Variants in DAAM1 observed in about 807,000 individuals in gnomAD.
DAAM1 encodes the protein disheveled-associated activator of morphogenesis 1.
Under a neutral mutation model 130.0 loss-of-function variants are expected in DAAM1, and 52 were observed. The ratio of observed to expected loss-of-function variants is 0.40; its 90% CI spans 0.32 to 0.50. DAAM1 has a LOEUF of 0.50. DAAM1 is among the 20% of genes least tolerant of loss of function. The pLI is 0.61. For missense variants in DAAM1, 1,134 were observed against 1,303.8 expected (o/e 0.87, Z 2.01); for synonymous variants, 452 against 444.5 (o/e 1.02, Z -0.21).
Position 59,241,084 on chromosome 14 carries a change from C to T in DAAM1, c.-37-22357C>T, listed in dbSNP as rs111959006. On this transcript the variant is annotated intron_variant, in intron 1 of 24. Transcript: ENST00000360909. ...TTCAGTATGTTATGGTTGTGTATTA[C>T]TTTAATCTCAGTGTGCTTCTGCTGA... 2.0e-5 allele frequency among the ~76,000 whole-genome samples: 3 copies of T among 152,304 alleles called. 1 individual carries two copies. Among genetic ancestry groups the T allele is most frequent in the African/African-American group, 7.2e-5 (3 of 41,566 alleles).
At chr14:59,290,164 G>T (rs563409641) in intron 2 of DAAM1, among the ~76,000 whole-genome samples, 1 of 152,232 alleles carries the variant, frequency 6.6e-6, no homozygotes, top group South Asian at 2.1e-4. Flanking sequence ...TGTGAATTAA[G>T]TTCTTGTTAA....
chr14:59,345,447 A>G (rs2139657827), intron 16 of DAAM1, among the ~76,000 whole-genome samples: 1 of 152,350 alleles, frequency 6.6e-6, no homozygotes, highest in Non-Finnish European at 1.5e-5. Context: ...GTTTGAGAAC[A>G]TGAAATAGAA....
At chr14:59,234,089 G>A (rs1165112970) in intron 1 of DAAM1, among the ~76,000 whole-genome samples, 1 of 152,128 alleles carries the variant, frequency 6.6e-6, no homozygotes, top group Non-Finnish European at 1.5e-5. Flanking sequence ...TGTTCTTCTT[G>A]CTTAGGATTG....
chr14:59,262,336 G>A (rs577322827), intron 1 of DAAM1, among the ~76,000 whole-genome samples: 1 of 152,010 alleles, frequency 6.6e-6, no homozygotes, highest in Non-Finnish European at 1.5e-5. Flanking sequence ...CTTTGACTTG[G>A]TTTTTTCAAT....
intron 2 of DAAM1, among the ~76,000 whole-genome samples, chr14:59,289,767 G>GATATATAT: frequency 0.068 from 7,463 of 110,192 alleles, 1,459 homozygotes; most frequent in African/African-American, 0.26. Flanking sequence ...AACAAAATGT[G>GATATATAT]ATATATATAT....
At chr14:59,245,078 G>C (rs1046893185) in intron 1 of DAAM1, among the ~76,000 whole-genome samples, 2 of 152,154 alleles carry the variant, frequency 1.3e-5, no homozygotes, top group African/African-American at 4.8e-5. Context: ...GAAAGGTGAT[G>C]TATGTAGAAA....
At chr14:59,229,874 A>G (rs181858506) in intron 1 of DAAM1, among the ~76,000 whole-genome samples, 18 of 152,292 alleles carry the variant, frequency 1.2e-4, no homozygotes, top group African/African-American at 4.1e-4. Flanking sequence ...TCCTGTCTAT[A>G]AATAACTGTT....
intron 1 of DAAM1, among the ~76,000 whole-genome samples, chr14:59,242,852 C>A (rs997148978): frequency 1.3e-5 from 2 of 152,128 alleles, no homozygotes; most frequent in Non-Finnish European, 2.9e-5. Flanking sequence ...CCGTGCCCAG[C>A]CGCTGGGTAC....
At chr14:59,243,013 A>C (rs1483608514) in intron 1 of DAAM1, among the ~76,000 whole-genome samples, 1 of 152,176 alleles carries the variant, frequency 6.6e-6, no homozygotes, top group Non-Finnish European at 1.5e-5. Context: ...ATGTGATGAC[A>C]ATAAGGGATG....
rs774698556 is a variant in DAAM1, at chr14:59,326,086, G to A, written c.1174+9G>A. ...CTGCCTCCAAATGCCTTGTAAGTGT[G>A]TTCGTGACTCACATGTGTGCTTCTG... On this transcript the variant is annotated intron_variant, in intron 10 of 24. Coordinates refer to ENST00000360909, the MANE Select transcript of DAAM1 (RefSeq NM_001270520.2). 2.5e-5 allele frequency: 40 copies of A among 1,610,842 alleles called. No homozygotes were observed. Among genetic ancestry groups the A allele is most frequent in the South Asian group, 1.5e-4 (14 of 91,016 alleles).
intron 15 of DAAM1, among the ~76,000 whole-genome samples, chr14:59,339,263 T>G (rs1207094446): frequency 1.3e-5 from 2 of 152,222 alleles, no homozygotes; most frequent in Non-Finnish European, 2.9e-5. Context: ...TTTCTTACAT[T>G]TTTAAAACAC....
chr14:59,290,996 G>A (rs933416633), intron 2 of DAAM1, among the ~76,000 whole-genome samples: 1 of 152,206 alleles, frequency 6.6e-6, no homozygotes, highest in Non-Finnish European at 1.5e-5. Flanking sequence ...CTGTAGGGCT[G>A]TGCCTCATCC....
intron 3 of DAAM1, among the ~76,000 whole-genome samples, chr14:59,292,134 C>T (rs568637007): frequency 6.6e-6 from 1 of 152,268 alleles, no homozygotes; most frequent in East Asian, 1.9e-4. Flanking sequence ...TTCATGGCCA[C>T]CTTTTGCCAC....
chr14:59,300,698 A>G (rs1884136176), intron 3 of DAAM1, among the ~76,000 whole-genome samples: 1 of 152,220 alleles, frequency 6.6e-6, no homozygotes, highest in Admixed American at 6.5e-5. Flanking sequence ...TGAAGCCCAA[A>G]GGTGACTGCT....
intron 3 of DAAM1, among the ~76,000 whole-genome samples, chr14:59,294,424 A>C (rs1156288027): frequency 6.6e-6 from 1 of 152,236 alleles, no homozygotes; most frequent in East Asian, 1.9e-4. Flanking sequence ...AAAAGAAGTT[A>C]ATTGGAATTT....
intron 2 of DAAM1, among the ~76,000 whole-genome samples, chr14:59,290,611 G>A (rs915796780): frequency 6.6e-6 from 1 of 152,160 alleles, no homozygotes; most frequent in Non-Finnish European, 1.5e-5. Context: ...ATTCATTCAA[G>A]AAAATAACCT....
At chr14:59,293,772 A>G (rs577941520) in intron 3 of DAAM1, among the ~76,000 whole-genome samples, 1 of 152,330 alleles carries the variant, frequency 6.6e-6, no homozygotes, top group Admixed American at 6.5e-5. Context: ...TGGTCACTGC[A>G]ATAAATTGGG....
At chr14:59,281,169 G>T (rs531458084) in intron 2 of DAAM1, among the ~76,000 whole-genome samples, 134 of 152,284 alleles carry the variant, frequency 8.8e-4, no homozygotes, top group African/African-American at 3.0e-3. Context: ...CCCTCGGGGG[G>T]TTGCCTCAGG....
intron 1 of DAAM1, among the ~76,000 whole-genome samples, chr14:59,235,004 C>T (rs189116409): frequency 3.9e-4 from 59 of 152,084 alleles, no homozygotes; most frequent in East Asian, 2.7e-3. Flanking sequence ...GACTTGATCA[C>T]GGTGGATAAG....
Sources: gnomAD v4.1 joint callset for allele counts (sites outside exome capture counted in the v4.1 genomes callset) on GRCh38, gnomAD v4.1.1 for gene constraint, MANE v1.5 for transcripts, NCBI Gene and HGNC (gene_info 2026-07-23, HGNC 2026-07-21) for gene names.